GRIN2A: variants seen among roughly 807,000 people sequenced by gnomAD.
GRIN2A encodes the protein glutamate ionotropic receptor NMDA type subunit 2A.
GRIN2A carries 22 observed loss-of-function variants against 113.4 expected under a neutral mutation model. That is an observed-to-expected ratio of 0.19 (90% CI 0.14 to 0.28). GRIN2A has a LOEUF of 0.28. GRIN2A is among the 10% of genes least tolerant of loss of function. The pLI is 1.00. For missense variants in GRIN2A, 1,502 were observed against 1,887.0 expected (o/e 0.80, Z 3.78); for synonymous variants, 827 against 738.4 (o/e 1.12, Z -1.94).
intron 4 of GRIN2A, among the ~76,000 whole-genome samples, chr16:9,860,876 A>G (rs191312477): frequency 1.3e-5 from 2 of 152,328 alleles, no homozygotes; most frequent in East Asian, 3.9e-4. Flanking sequence ...GATATAGTAT[A>G]GTGCTCACCC....
At chr16:9,781,688 A>G (rs1901944775) in intron 11 of GRIN2A, among the ~76,000 whole-genome samples, 1 of 152,018 alleles carries the variant, frequency 6.6e-6, no homozygotes, top group Admixed American at 6.6e-5. Flanking sequence ...CATCAATATG[A>G]CGCCATATAT....
intron 10 of GRIN2A, among the ~76,000 whole-genome samples, chr16:9,818,923 A>C (rs2042232449): frequency 6.6e-6 from 1 of 152,250 alleles, no homozygotes; most frequent in Admixed American, 6.5e-5. Flanking sequence ...TATTCACTAC[A>C]GCTTTGTTTG....
intron 2 of GRIN2A, among the ~76,000 whole-genome samples, chr16:10,097,492 T>C (rs1237684210): frequency 2.6e-5 from 4 of 152,110 alleles, no homozygotes; most frequent in Non-Finnish European, 5.9e-5. Flanking sequence ...TCCAGTGAGA[T>C]TGGATCAGCA....
chr16:9,767,362 CT>C (rs1391908480), intron 12 of GRIN2A, among the ~76,000 whole-genome samples: 1 of 152,104 alleles, frequency 6.6e-6, no homozygotes, highest in Admixed American at 6.5e-5. Context: ...AATTAGTTAG[CT>C]TTCTCAGTAA....
intron 4 of GRIN2A, among the ~76,000 whole-genome samples, chr16:9,885,656 C>T (rs2141467563): frequency 6.6e-6 from 1 of 152,314 alleles, no homozygotes. Flanking sequence ...CCTCCGAGTC[C>T]CAGAATAACA....
intron 2 of GRIN2A, among the ~76,000 whole-genome samples, chr16:10,161,280 T>A (rs926820870): frequency 1.6e-4 from 25 of 152,194 alleles, no homozygotes; most frequent in African/African-American, 5.8e-4. Context: ...GGCTTCCCCT[T>A]CTGCCATGAT....
chr16:10,053,152 T>C lies in GRIN2A; in HGVS notation c.415-114601A>G, dbSNP rs1483787282. On this transcript the variant is annotated intron_variant, in intron 2 of 12. Transcript: ENST00000330684. Reference sequence around the variant, plus strand: ...CTGCCACTGTTCAGGGCCACAACAGTGAATGGAGAAGAGTAGGATGGAGAC... The same window carrying C: ...CTGCCACTGTTCAGGGCCACAACAGCGAATGGAGAAGAGTAGGATGGAGAC... 2.6e-5 allele frequency among the ~76,000 whole-genome samples: 4 copies of C among 151,538 alleles called. No individual in the cohort carries two copies. In the South Asian group the frequency reaches 6.3e-4, roughly 24 times the overall value.
intron 11 of GRIN2A, among the ~76,000 whole-genome samples, chr16:9,776,328 T>C (rs1449461143): frequency 6.7e-6 from 1 of 148,906 alleles, no homozygotes; most frequent in Non-Finnish European, 1.5e-5. Context: ...AACGTAATTG[T>C]CACTGGGAGG....
At chr16:9,912,148 G>C (rs2044154595) in intron 3 of GRIN2A, among the ~76,000 whole-genome samples, 1 of 151,952 alleles carries the variant, frequency 6.6e-6, no homozygotes, top group African/African-American at 2.4e-5. Context: ...TGACGATAAA[G>C]GAAAAGGAGA....
chr16:10,021,280 C>T (rs1158561277), intron 2 of GRIN2A, among the ~76,000 whole-genome samples: 1 of 152,172 alleles, frequency 6.6e-6, no homozygotes, highest in Non-Finnish European at 1.5e-5. Flanking sequence ...ATTTATTGAA[C>T]ATCTATGTTG....
intron 10 of GRIN2A, among the ~76,000 whole-genome samples, chr16:9,813,029 G>A (rs1013451362): frequency 5.3e-5 from 8 of 152,210 alleles, no homozygotes; most frequent in Non-Finnish European, 5.9e-5. Context: ...GCTCTTCATC[G>A]TACAGAAGTG....
chr16:10,109,632 C>CAA lies in GRIN2A; in HGVS notation c.414+70364_414+70365dup, dbSNP rs200838519. On this transcript the variant is annotated intron_variant, in intron 2 of 12. Transcript: ENST00000330684. ...CAAAGAACAAGAAATAACCAGATTA[C>CAA]AAAAAAAAAAAAAATAGGAAGAATG... 6.1e-3 allele frequency among the ~76,000 whole-genome samples: 762 copies of CAA among 125,518 alleles called. 4 individuals are homozygous for CAA. Among genetic ancestry groups the CAA allele is most frequent in the Middle Eastern group, 0.013 (3 of 228 alleles). The allele number at this position is 125,518 out of a possible 152,430, so 82.3% of individuals were successfully genotyped here.
At chr16:9,835,977 G>C (rs1368914340) in intron 7 of GRIN2A, among the ~76,000 whole-genome samples, 1 of 152,140 alleles carries the variant, frequency 6.6e-6, no homozygotes, top group Non-Finnish European at 1.5e-5. Flanking sequence ...AGAAATCAAT[G>C]AAACTGCAAC....
chr16:9,830,974 G>T (rs1203306685), intron 8 of GRIN2A, among the ~76,000 whole-genome samples: 1 of 151,942 alleles, frequency 6.6e-6, no homozygotes, highest in East Asian at 1.9e-4. Flanking sequence ...GGAATCAGAT[G>T]TAGGCAGTTC....
intron 2 of GRIN2A, among the ~76,000 whole-genome samples, chr16:10,042,782 C>T (rs756508717): frequency 6.6e-6 from 1 of 152,242 alleles, no homozygotes; most frequent in African/African-American, 2.4e-5. Context: ...CTAACTCACA[C>T]CTAAGGGGGC....
At chr16:9,911,712 G>A (rs1567171396) in intron 3 of GRIN2A, among the ~76,000 whole-genome samples, 1 of 152,118 alleles carries the variant, frequency 6.6e-6, no homozygotes, top group Non-Finnish European at 1.5e-5. Flanking sequence ...ACCTGTGATG[G>A]CCATTTACCC....
At chr16:9,828,708 G>A (rs1017179630) in intron 9 of GRIN2A, among the ~76,000 whole-genome samples, 1 of 151,982 alleles carries the variant, frequency 6.6e-6, no homozygotes, top group Non-Finnish European at 1.5e-5. Flanking sequence ...TGCAACCCTT[G>A]TTATATTTCA....
intron 2 of GRIN2A, among the ~76,000 whole-genome samples, chr16:10,096,829 G>C (rs1431231006): frequency 6.6e-6 from 1 of 152,062 alleles, no homozygotes; most frequent in African/African-American, 2.4e-5. Flanking sequence ...CTAACTCCTT[G>C]AGACTAACCT....
intron 3 of GRIN2A, among the ~76,000 whole-genome samples, chr16:9,900,590 C>A (rs1406903972): frequency 6.6e-6 from 1 of 152,276 alleles, no homozygotes; most frequent in South Asian, 2.1e-4. Context: ...CAACTAGAAG[C>A]AGGGTGTATA....
Sources: gnomAD v4.1 joint callset for allele counts (sites outside exome capture counted in the v4.1 genomes callset) on GRCh38, gnomAD v4.1.1 for gene constraint, MANE v1.5 for transcripts, NCBI Gene and HGNC (gene_info 2026-07-23, HGNC 2026-07-21) for gene names.